Variants in KCNN2 observed in about 807,000 individuals in gnomAD.
KCNN2 encodes small conductance calcium-activated potassium channel protein 2.
Under a neutral mutation model 55.5 loss-of-function variants are expected in KCNN2, and 24 were observed. The observed-to-expected ratio is 0.43, with a 90% CI of 0.31 to 0.61. The LOEUF is 0.61. Among genes scored for constraint, KCNN2 ranks in the 20% least tolerant of loss-of-function variants. KCNN2 has a pLI of 0.08. For missense variants in KCNN2, 754 were observed against 853.6 expected, an observed-to-expected ratio of 0.88 and a Z score of 1.45; for synonymous variants, 431 against 336.1, an observed-to-expected ratio of 1.28 and a Z score of -3.09.
At chr5:114,408,328 C>T (rs536486629) in intron 3 of KCNN2, among the ~76,000 whole-genome samples, 4 of 151,900 alleles carry the variant, frequency 2.6e-5, no homozygotes, top group African/African-American at 9.7e-5. Context: ...AGGGAAGGAG[C>T]TGAGGCCAGC....
intron 2 of KCNN2, among the ~76,000 whole-genome samples, chr5:114,288,383 G>A (rs549700701): frequency 6.6e-6 from 1 of 152,146 alleles, no homozygotes; most frequent in South Asian, 2.1e-4. Context: ...GAAATTCTGT[G>A]TTAAACTTTT....
At position 114,173,272 on chromosome 5, in the gene KCNN2, C is replaced by T. The variant is rs538235694; in HGVS notation, c.-270-48208C>T. Among the ~76,000 whole-genome samples the T allele has an allele frequency of 3.3e-5, 5 of 152,012 alleles. No individual in the cohort carries two copies. The East Asian group carries it at 5.8e-4, about 18-fold the overall frequency. ...TGAATTTGTTTCAGGGTTCTCTATT[C>T]GGTTCCATTGATCTATGTGTCTGTT... On this transcript the variant is annotated intron_variant, in intron 1 of 10. Coordinates refer to the KCNN2 transcript ENST00000512097.
intron 2 of KCNN2, among the ~76,000 whole-genome samples, chr5:114,256,023 C>G (rs758405712): frequency 6.6e-6 from 1 of 151,996 alleles, no homozygotes; most frequent in Non-Finnish European, 1.5e-5. Flanking sequence ...TTCTGAGTCT[C>G]CAGTGTCTAT....
intron 3 of KCNN2, among the ~76,000 whole-genome samples, chr5:114,459,500 G>C (rs1761091358): frequency 6.6e-6 from 1 of 152,154 alleles, no homozygotes; most frequent in East Asian, 1.9e-4. Context: ...AAAACCTGGG[G>C]ATGTTCAAAA....
At chr5:114,231,710 A>C (rs1387273968) in intron 2 of KCNN2, among the ~76,000 whole-genome samples, 1 of 151,216 alleles carries the variant, frequency 6.6e-6, no homozygotes, top group Non-Finnish European at 1.5e-5. Context: ...ATGACAGCCA[A>C]TTAAGGGAAA....
chr5:114,111,341 T>G (rs529392290), intron 1 of KCNN2, among the ~76,000 whole-genome samples: 38 of 152,258 alleles, frequency 2.5e-4, no homozygotes, highest in African/African-American at 8.9e-4. Flanking sequence ...CAAGATAGAT[T>G]AAAGACTTCA....
At chr5:114,447,594 A>G (rs1760467958) in intron 3 of KCNN2, among the ~76,000 whole-genome samples, 1 of 152,210 alleles carries the variant, frequency 6.6e-6, no homozygotes, top group African/African-American at 2.4e-5. Flanking sequence ...GTTAACTGCA[A>G]AACAGTCAAA....
At chr5:114,480,062 A>AAATC (rs1762156269) in intron 5 of KCNN2, among the ~76,000 whole-genome samples, 1 of 152,112 alleles carries the variant, frequency 6.6e-6, no homozygotes, top group African/African-American at 2.4e-5. Flanking sequence ...CTTCAAAAAA[A>AAATC]AATCAACAAA....
At chr5:114,489,055 G>C (rs1427784782) in intron 6 of KCNN2, 1 of 152,012 alleles carries the variant, frequency 6.6e-6, no homozygotes, top group Non-Finnish European at 1.5e-5. Context: ...AATTACATGT[G>C]ATTTACCTTT....
At chr5:114,074,275 T>G (rs1750636914) in intron 1 of KCNN2, among the ~76,000 whole-genome samples, 1 of 150,654 alleles carries the variant, frequency 6.6e-6, no homozygotes, top group Admixed American at 6.6e-5. Context: ...TTCTTATGAA[T>G]TTTAAAGGCC....
At chr5:114,406,504 T>C (rs1310129214) in intron 3 of KCNN2, among the ~76,000 whole-genome samples, 2 of 152,056 alleles carry the variant, frequency 1.3e-5, no homozygotes, top group Admixed American at 1.3e-4. Context: ...AACAAGATAA[T>C]ATATCGTAAT....
chr5:114,411,609 G>A (rs1464782699), intron 3 of KCNN2, among the ~76,000 whole-genome samples: 1 of 152,166 alleles, frequency 6.6e-6, no homozygotes, highest in Non-Finnish European at 1.5e-5. Flanking sequence ...TGAGGCACAG[G>A]ACAGGAGTCT....
chr5:114,086,982 G>A (rs1751030242), intron 1 of KCNN2, among the ~76,000 whole-genome samples: 1 of 151,274 alleles, frequency 6.6e-6, no homozygotes, highest in Non-Finnish European at 1.5e-5. Context: ...ATTTCTGATT[G>A]GTGTGAGATG....
At chr5:114,222,727 A>C (rs1326289070) in intron 2 of KCNN2, among the ~76,000 whole-genome samples, 1 of 152,196 alleles carries the variant, frequency 6.6e-6, no homozygotes, top group African/African-American at 2.4e-5. Context: ...TGAGACATTA[A>C]TGTTAAAAGT....
At chr5:114,170,191 G>A (rs777603173) in intron 1 of KCNN2, among the ~76,000 whole-genome samples, 30 of 151,984 alleles carry the variant, frequency 2.0e-4, no homozygotes, top group Admixed American at 9.2e-4. Context: ...GTCCTACTCC[G>A]AAAGCATCAT....
rs902897970 is a variant in KCNN2, at chr5:114,320,224, T to TG, written c.-184-40719dup. On this transcript the variant is annotated intron_variant, in intron 2 of 10. Coordinates refer to the KCNN2 transcript ENST00000512097. ...AACATACCCTGTCCTTCCTTGGGTCTGGATGTTATCACAGCCATGTCCCAG... is the reference window on the plus strand; with the variant it reads ...AACATACCCTGTCCTTCCTTGGGTCTGGGATGTTATCACAGCCATGTCCCAG... 2.4e-4 allele frequency among the ~76,000 whole-genome samples: 36 copies of TG among 152,092 alleles called. 1 individual carries two copies. The highest frequency in any genetic ancestry group is 2.0e-3 in the Admixed American group (31 of 15,268).
intron 2 of KCNN2, among the ~76,000 whole-genome samples, chr5:114,402,739 G>A (rs1758824699): frequency 6.6e-6 from 1 of 152,218 alleles, no homozygotes; most frequent in African/African-American, 2.4e-5. Flanking sequence ...GTGACTCTGA[G>A]GGGTCAGCTG....
intron 2 of KCNN2, among the ~76,000 whole-genome samples, chr5:114,351,405 T>C (rs1012535832): frequency 1.3e-5 from 2 of 151,784 alleles, no homozygotes; most frequent in Non-Finnish European, 3.0e-5. Flanking sequence ...GATAGGTTGA[T>C]TACTTCTTAT....
chr5:114,387,684 T>C (rs1461570410), intron 2 of KCNN2, among the ~76,000 whole-genome samples: 3 of 152,178 alleles, frequency 2.0e-5, no homozygotes, highest in Non-Finnish European at 4.4e-5. Context: ...TCTTCATTGG[T>C]TTCAGCTCCA....
Sources: allele counts gnomAD v4.1 joint callset (sites outside exome capture counted in the v4.1 genomes callset), GRCh38; gene constraint gnomAD v4.1.1; transcripts MANE v1.5; gene names NCBI Gene and HGNC (gene_info 2026-07-23, HGNC 2026-07-21).